Variants in NRXN3 observed in about 807,000 individuals in gnomAD.
NRXN3 encodes neurexin 3, also known as neurexin III.
A neutral mutation model predicts 137.6 loss-of-function variants in NRXN3; 32 were observed. The observed-to-expected ratio is 0.23, with a 90% confidence interval of 0.18 to 0.31. The LOEUF (loss-of-function observed/expected upper bound fraction) is 0.31. Ranked by LOEUF, NRXN3 falls within the 10% of genes least tolerant of loss-of-function variation. NRXN3 has a pLI of 1.00. For missense variants in NRXN3, 1,574 were observed against 2,062.5 expected (o/e 0.76, Z 4.59); for synonymous variants, 798 against 784.5 (o/e 1.02, Z -0.29).
At chr14:79,193,134 T>A (rs199804665) in intron 15 of NRXN3, among the ~76,000 whole-genome samples, 5,250 of 38,722 alleles carry the variant, frequency 0.14, 229 homozygotes, top group East Asian at 0.42. Flanking sequence ...AGAAGGGTTT[T>A]AAAGACAAAA....
chr14:78,925,740 G>A (rs78349261), intron 10 of NRXN3, among the ~76,000 whole-genome samples: 2,027 of 152,248 alleles, frequency 0.013, 49 homozygotes, highest in African/African-American at 0.046. Flanking sequence ...ATCTCTATAT[G>A]CTAAGTACGA....
intron 16 of NRXN3, among the ~76,000 whole-genome samples, chr14:79,480,849 G>A (rs2096601075): frequency 6.6e-6 from 1 of 152,078 alleles, no homozygotes; most frequent in South Asian, 2.1e-4. Flanking sequence ...TGTAAGATGT[G>A]CTAGCTTCCC....
chr14:78,409,609 G>A (rs146917097), intron 4 of NRXN3, among the ~76,000 whole-genome samples: 70 of 152,298 alleles, frequency 4.6e-4, no homozygotes, highest in African/African-American at 1.6e-3. Context: ...CCTGAGATGA[G>A]GAAGGCAGAA....
At chr14:79,646,188 TTGCCTGGGCCATTGCAATAAATA>T (rs1367493950) in intron 16 of NRXN3, among the ~76,000 whole-genome samples, 1 of 135,464 alleles carries the variant, frequency 7.4e-6, no homozygotes, top group East Asian at 2.0e-4. Context: ...GGTATCATGA[TTGCCTGGGCCATTGCAATAAATA>T]TGGTGATCAT....
At chr14:79,664,059 A>C (rs2098546740) in intron 17 of NRXN3, 110 bp downstream of exon 17, 2 of 1,093,066 alleles carry the variant, frequency 1.8e-6, no homozygotes. Flanking sequence ...TGAGTGAAGT[A>C]CACATTCATG....
chr14:79,501,099 G>T (rs987257745), intron 16 of NRXN3, among the ~76,000 whole-genome samples: 8 of 152,142 alleles, frequency 5.3e-5, no homozygotes, highest in Non-Finnish European at 1.0e-4. Context: ...GATCTGTATA[G>T]TTCATAAAAA....
At chr14:79,660,640 C>T (rs1182224280) in intron 16 of NRXN3, among the ~76,000 whole-genome samples, 2 of 152,164 alleles carry the variant, frequency 1.3e-5, no homozygotes, top group Non-Finnish European at 2.9e-5. Context: ...CCGTACTTGG[C>T]CACTGCTGTC....
intron 4 of NRXN3, among the ~76,000 whole-genome samples, chr14:78,400,778 G>T (rs1434504701): frequency 6.6e-6 from 1 of 152,178 alleles, no homozygotes; most frequent in African/African-American, 2.4e-5. Context: ...GGTGTATGCA[G>T]TCGGTTTCTC....
At chr14:79,347,281 ATACT>A (rs1202482763) in intron 15 of NRXN3, among the ~76,000 whole-genome samples, 5 of 152,126 alleles carry the variant, frequency 3.3e-5, no homozygotes, top group Non-Finnish European at 5.9e-5. Context: ...ACTAGAAATA[ATACT>A]TAATGTCTTG....
chr14:78,202,817 G>C (rs1313867889), intron 1 of NRXN3, among the ~76,000 whole-genome samples: 1 of 152,196 alleles, frequency 6.6e-6, no homozygotes, highest in Non-Finnish European at 1.5e-5. Context: ...ACTCAGGTTT[G>C]TGATGTATAT....
intron 15 of NRXN3, among the ~76,000 whole-genome samples, chr14:79,054,541 T>C (rs140715630): frequency 6.6e-6 from 1 of 152,340 alleles, no homozygotes; most frequent in Non-Finnish European, 1.5e-5. Flanking sequence ...ATTTGCTCTC[T>C]GTGCAAGGAG....
At chr14:79,440,520 T>A (rs1053142591) in intron 15 of NRXN3, among the ~76,000 whole-genome samples, 13 of 152,176 alleles carry the variant, frequency 8.5e-5, no homozygotes, top group African/African-American at 9.7e-5. Context: ...CATAACAAAT[T>A]TGTAATTTGT....
intron 10 of NRXN3, among the ~76,000 whole-genome samples, chr14:78,873,221 C>T (rs2099105526): frequency 6.6e-6 from 1 of 152,196 alleles, no homozygotes. Flanking sequence ...CACATCTATA[C>T]ACTTTTCATC....
chr14:79,302,818 G>C (rs2085373475), intron 15 of NRXN3, among the ~76,000 whole-genome samples: 2 of 151,968 alleles, frequency 1.3e-5, no homozygotes, highest in South Asian at 4.2e-4. Context: ...AAGACATATG[G>C]AACTGTGAGT....
chr14:79,098,462 C>T (rs1174601719), intron 15 of NRXN3, among the ~76,000 whole-genome samples: 1 of 152,132 alleles, frequency 6.6e-6, no homozygotes, highest in African/African-American at 2.4e-5. Flanking sequence ...TGGGTAGTTT[C>T]CCAGGAAAGA....
intron 15 of NRXN3, among the ~76,000 whole-genome samples, chr14:79,292,952 T>C (rs1019950284): frequency 1.3e-5 from 2 of 152,216 alleles, no homozygotes; most frequent in South Asian, 2.1e-4. Flanking sequence ...CAGGCTCATG[T>C]CAACATGTCA....
intron 4 of NRXN3, among the ~76,000 whole-genome samples, chr14:78,553,831 G>A (rs1438168577): frequency 1.3e-5 from 2 of 152,170 alleles, no homozygotes; most frequent in Non-Finnish European, 2.9e-5. Flanking sequence ...AATCCCCTGT[G>A]TTAGTTGTGC....
intron 16 of NRXN3, among the ~76,000 whole-genome samples, chr14:79,589,586 GAGAT>G (rs1023119232): frequency 1.4e-4 from 20 of 139,100 alleles, no homozygotes; most frequent in African/African-American, 2.9e-4. Context: ...AAATAAGGAA[GAGAT>G]AGATAGTAAA....
chr14:79,384,538 T>G (rs1599513723), intron 15 of NRXN3, among the ~76,000 whole-genome samples: 1 of 152,308 alleles, frequency 6.6e-6, no homozygotes, highest in East Asian at 1.9e-4. Flanking sequence ...GGCAACCATC[T>G]TACCCCAGGA....
Sources: allele counts gnomAD v4.1 joint callset (sites outside exome capture counted in the v4.1 genomes callset), GRCh38; gene constraint gnomAD v4.1.1; transcripts MANE v1.5; gene names NCBI Gene and HGNC (gene_info 2026-07-23, HGNC 2026-07-21).